AXDND1: variants seen among roughly 807,000 people sequenced by gnomAD.
AXDND1 encodes axonemal dynein light chain domain-containing protein 1.
In AXDND1, 110 loss-of-function variants were observed where a neutral mutation model predicts 137.5. The observed-to-expected ratio is 0.80, with a 90% confidence interval of 0.69 to 0.94. The LOEUF is 0.94. Ranked by LOEUF, AXDND1 falls within the 40% of genes least tolerant of loss-of-function variation. The pLI is 0.00. For missense variants in AXDND1, 1,191 were observed against 1,169.8 expected (o/e 1.02, Z -0.26); for synonymous variants, 414 against 399.7 (o/e 1.04, Z -0.43).
intron 6 of AXDND1, among the ~76,000 whole-genome samples, chr1:179,379,894 CT>C (rs1647960629): frequency 6.6e-6 from 1 of 151,710 alleles, no homozygotes; most frequent in African/African-American, 2.4e-5. Context: ...ACTCATATTC[CT>C]GAGCAATATA....
intron 20 of AXDND1, among the ~76,000 whole-genome samples, chr1:179,499,031 A>G (rs1487013343): frequency 3.3e-5 from 5 of 152,154 alleles, no homozygotes; most frequent in African/African-American, 7.2e-5. Flanking sequence ...AGATTTCTCA[A>G]AGAACTTAAA....
chr1:179,405,097 G>A (rs1347271845), intron 11 of AXDND1, among the ~76,000 whole-genome samples: 1 of 151,606 alleles, frequency 6.6e-6, no homozygotes, highest in Non-Finnish European at 1.5e-5. Flanking sequence ...CAACAGGCCT[G>A]ATGTGTGATG....
intron 2 of AXDND1, 68 bp from the exon 3 acceptor site, chr1:179,368,732 G>T (rs1261436237): frequency 3.9e-6 from 5 of 1,292,418 alleles, no homozygotes; most frequent in Admixed American, 2.3e-5. Flanking sequence ...TGATGAGGCA[G>T]TCTGAGAAGC....
At chr1:179,502,747 C>T (rs1184693144) in intron 20 of AXDND1, among the ~76,000 whole-genome samples, 1 of 151,854 alleles carries the variant, frequency 6.6e-6, no homozygotes, top group Admixed American at 6.6e-5. Context: ...TTCTATTCAT[C>T]TGTCAGTATA....
At chr1:179,525,568 C>T in intron 22 of AXDND1, 121 bp downstream of exon 22, 1 of 1,195,580 alleles carries the variant, frequency 8.4e-7, no homozygotes, top group Non-Finnish European at 1.1e-6. Flanking sequence ...ATCATCATAG[C>T]TCACTGTAAC....
At chr1:179,410,416 C>T (rs556357256) in intron 11 of AXDND1, among the ~76,000 whole-genome samples, 9 of 152,208 alleles carry the variant, frequency 5.9e-5, no homozygotes, top group South Asian at 2.1e-4. Context: ...TTTGTAGAGA[C>T]GAGGTTTCAC....
intron 16 of AXDND1, among the ~76,000 whole-genome samples, chr1:179,463,318 G>A (rs976553520): frequency 2.6e-5 from 4 of 152,150 alleles, no homozygotes; most frequent in Admixed American, 6.5e-5. Flanking sequence ...GGTATGTTGT[G>A]TCTTTGTTCT....
At chr1:179,493,983 G>T (rs371371171) in intron 20 of AXDND1, among the ~76,000 whole-genome samples, 22 of 152,080 alleles carry the variant, frequency 1.4e-4, no homozygotes, top group African/African-American at 4.6e-4. Context: ...ATGGAGTCTC[G>T]CTCTGTTGCC....
rs1309589700 is a variant in AXDND1, at chr1:179,492,871, G to A, written c.2308G>A (p.Val770Ile). The stretch of plus-strand genomic sequence containing the variant: ...TTTTTGCAGTTGTTGCAAAGGGATG[G>A]TAACAGCAATGGCTCTGAGTAAATC... ...SYLSSCCKGMVTAMALSKSTN... is the reference protein window; with the variant it reads ...SYLSSCCKGMITAMALSKSTN... Residue 770 changes from valine to isoleucine, a missense_variant, in exon 20 of 26, where the codon GTA becomes ATA. Physicochemically the swap from Val to Ile is conservative, Grantham distance 29 (BLOSUM62 3). Transcript: ENST00000367618. 5 of 1,605,030 alleles carry A rather than the reference G, an allele frequency of 3.1e-6. No individual in the cohort carries two copies. Among genetic ancestry groups the A allele is most frequent in the Non-Finnish European group, 4.2e-6 (5 of 1,177,238 alleles).
intron 18 of AXDND1, among the ~76,000 whole-genome samples, chr1:179,485,223 G>A (rs1168548974): frequency 1.3e-5 from 2 of 152,194 alleles, no homozygotes; most frequent in African/African-American, 2.4e-5. Flanking sequence ...CTCCTGGCAT[G>A]TGTAAACAAG....
chr1:179,382,805 T>C, intron 7 of AXDND1, 49 bp downstream of exon 7: 1 of 1,369,252 alleles, frequency 7.3e-7, no homozygotes, highest in Non-Finnish European at 1.0e-6. Flanking sequence ...AATACCTATA[T>C]ACATACACAT....
At position 179,521,758 on chromosome 1, in the gene AXDND1, A is replaced by ATT. The variant is rs34139679; in HGVS notation, c.2497-3558_2497-3557dup. Among the ~76,000 whole-genome samples, 297 of 123,612 alleles carry ATT rather than the reference A, an allele frequency of 2.4e-3. 1 individual carries two copies. Among genetic ancestry groups the ATT allele is most frequent in the Middle Eastern group, 0.013 (3 of 236 alleles). The allele number at this position is 123,612 out of a possible 152,430, so 81.1% of individuals were successfully genotyped here. On this transcript the variant is annotated intron_variant, in intron 21 of 25. Transcript: ENST00000367618. ...GCCTTTATTTCACCCTCATTCTTAC[A>ATT]TTTTTTTTTTTTTTTTTTTGCTGGG...
At chr1:179,471,196 G>A (rs944185907) in intron 17 of AXDND1, among the ~76,000 whole-genome samples, 3 of 152,122 alleles carry the variant, frequency 2.0e-5, no homozygotes, top group Non-Finnish European at 4.4e-5. Context: ...TTATTTTCCT[G>A]TGATGTCTTC....
chr1:179,393,652 G>C (rs896491301), intron 9 of AXDND1, among the ~76,000 whole-genome samples: 10 of 152,020 alleles, frequency 6.6e-5, no homozygotes, highest in Admixed American at 5.9e-4. Context: ...TTTTTCAATA[G>C]TGTTTTGTAG....
Position 179,395,192 on chromosome 1 carries a change from A to G in AXDND1, c.1099A>G (p.Lys367Glu). The G allele has an allele frequency of 6.2e-7, 1 of 1,612,366 alleles. No individual in the cohort carries two copies. Among genetic ancestry groups the G allele is most frequent in the Middle Eastern group, 1.7e-4 (1 of 6,052 alleles). The change falls in exon 11 of 26, where the codon AAG becomes GAG. Residue 367 changes from lysine (K) to glutamate (E), a missense_variant. Transcript: ENST00000367618. ...GGCACAAGCTCTTTTAAATGCGGAA[A>G]AGAATGCCAAGTGAGTTGCTTAAAG... ...DLAQALLNAE[K>E]NAKIVEEYHD...
intron 20 of AXDND1, among the ~76,000 whole-genome samples, chr1:179,495,716 A>G (rs759744462): frequency 4.0e-5 from 6 of 151,868 alleles, no homozygotes; most frequent in Non-Finnish European, 7.4e-5. Flanking sequence ...TATTGCACTA[A>G]TAAGACTGTA....
chr1:179,543,644 G>A (rs995168692), intron 25 of AXDND1: 5 of 152,032 alleles, frequency 3.3e-5, no homozygotes, highest in African/African-American at 1.2e-4. Flanking sequence ...ACCAAGCTTC[G>A]GTTGTGTACA....
At chr1:179,396,919 G>C (rs193135524) in intron 11 of AXDND1, among the ~76,000 whole-genome samples, 2 of 152,116 alleles carry the variant, frequency 1.3e-5, no homozygotes, top group Admixed American at 6.6e-5. Flanking sequence ...ATACCAATGG[G>C]TCTTGTTTCT....
chr1:179,437,880 T>G (rs1260705939), intron 15 of AXDND1, among the ~76,000 whole-genome samples: 9 of 152,128 alleles, frequency 5.9e-5, no homozygotes, highest in Admixed American at 5.9e-4. Flanking sequence ...GGCCGGGCAT[T>G]GTGGCTCATG....
Sources: allele counts gnomAD v4.1 joint callset (sites outside exome capture counted in the v4.1 genomes callset), GRCh38; gene constraint gnomAD v4.1.1; transcripts MANE v1.5; gene names NCBI Gene and HGNC (gene_info 2026-07-23, HGNC 2026-07-21).